DSCAM: variants seen among roughly 807,000 people sequenced by gnomAD.
The protein encoded by DSCAM is DS cell adhesion molecule, also known as cell adhesion molecule DSCAM.
DSCAM carries 47 observed loss-of-function variants against 217.7 expected under a neutral mutation model. The ratio of observed to expected loss-of-function variants is 0.22; its 90% CI spans 0.17 to 0.28. The LOEUF (loss-of-function observed/expected upper bound fraction) is 0.28. DSCAM is among the 10% of genes least tolerant of loss of function. The probability of loss-of-function intolerance (pLI) is 1.00; values close to 1 mark genes in which losing one functional copy is unlikely to be tolerated. For synonymous variants in DSCAM, 1,056 were observed against 1,015.3 expected (o/e 1.04, Z -0.76); for missense variants, 2,080 against 2,618.3 (o/e 0.79, Z 4.49).
At chr21:40,289,886 T>C (rs2073870089) in intron 10 of DSCAM, among the ~76,000 whole-genome samples, 1 of 151,806 alleles carries the variant, frequency 6.6e-6, no homozygotes, top group Admixed American at 6.6e-5. Context: ...ATGAAGACTG[T>C]GAATAAAACA....
chr21:40,016,484 C>T lies in DSCAM; in HGVS notation c.5687-3098G>A, dbSNP rs571022781. On this transcript the variant is annotated intron_variant, in intron 32 of 32. Transcript: ENST00000400454. This position sits in a 1 kb window ranked among gnomAD's most constrained non-coding sequence, Gnocchi z 4.3. Reference sequence around the variant, plus strand: ...CTAGTAGGTATTTTTATCATAGAAACGTAGCTCTAGGATGACTCACTGCTC... The same window carrying T: ...CTAGTAGGTATTTTTATCATAGAAATGTAGCTCTAGGATGACTCACTGCTC... Among the ~76,000 whole-genome samples the T allele has an allele frequency of 3.3e-5, 5 of 152,302 alleles. No homozygotes were observed. Among genetic ancestry groups the T allele is most frequent in the South Asian group, 2.1e-4 (1 of 4,820 alleles).
At chr21:40,272,842 A>C (rs2073637370) in intron 11 of DSCAM, among the ~76,000 whole-genome samples, 1 of 152,044 alleles carries the variant, frequency 6.6e-6, no homozygotes, top group African/African-American at 2.4e-5. Flanking sequence ...GTTTATTTAG[A>C]CCAGTAAACT....
At chr21:40,548,239 T>C (rs2076599660) in intron 3 of DSCAM, among the ~76,000 whole-genome samples, 1 of 152,228 alleles carries the variant, frequency 6.6e-6, no homozygotes, top group Admixed American at 6.5e-5. Flanking sequence ...TGTATTACTA[T>C]TTAAAGACCA....
At chr21:40,746,777 C>G (rs1422564536) in intron 1 of DSCAM, among the ~76,000 whole-genome samples, 1 of 151,828 alleles carries the variant, frequency 6.6e-6, no homozygotes, top group Non-Finnish European at 1.5e-5. Context: ...ACATTTTTCT[C>G]AACAAGACAT....
chr21:40,422,886 A>C (rs1039512085), intron 3 of DSCAM, among the ~76,000 whole-genome samples: 1 of 152,256 alleles, frequency 6.6e-6, no homozygotes, highest in Non-Finnish European at 1.5e-5. Flanking sequence ...ATGTTCGTCT[A>C]TCCACATAGA....
chr21:40,480,958 A>C (rs910432379), intron 3 of DSCAM, among the ~76,000 whole-genome samples: 2 of 152,220 alleles, frequency 1.3e-5, no homozygotes, highest in African/African-American at 4.8e-5. Flanking sequence ...TGGGAAAAAA[A>C]CAACTCTTTT....
Position 40,144,849 on chromosome 21 carries a change from G to T in DSCAM, c.3019-118C>A. ...AGTGGAGTCATCGCCACGATGCTGG[G>T]GCGGTGGTCCGGTAGCAGCCGCAAA... is the stretch of plus-strand genomic sequence containing the variant. On this transcript the variant is annotated intron_variant, in intron 16 of 32. Transcript: ENST00000400454. The surrounding 1 kb of genome is among the most constrained non-coding windows in gnomAD (Gnocchi z 4.8). 1 of 1,450,436 alleles carries T rather than the reference G, an allele frequency of 6.9e-7. No homozygotes were observed. Among genetic ancestry groups the T allele is most frequent in the Non-Finnish European group, 9.3e-7 (1 of 1,074,714 alleles). 89.8% of individuals were successfully genotyped at this position (1,450,436 alleles called of 1,614,324 possible). A position where few individuals can be genotyped will look rare whatever the true frequency, so the allele number is the denominator to read the frequency against.
chr21:40,638,086 G>C (rs2089831300), intron 3 of DSCAM, among the ~76,000 whole-genome samples: 1 of 152,138 alleles, frequency 6.6e-6, no homozygotes, highest in Non-Finnish European at 1.5e-5. Context: ...ATAGAACTTA[G>C]TCTTTCTTAG....
intron 28 of DSCAM, among the ~76,000 whole-genome samples, chr21:40,061,306 T>C (rs1246309008): frequency 1.3e-5 from 2 of 152,174 alleles, no homozygotes; most frequent in East Asian, 1.9e-4. Flanking sequence ...TGGTGGCTCA[T>C]GCCTGTAATC....
intron 3 of DSCAM, among the ~76,000 whole-genome samples, chr21:40,454,081 T>C (rs1442037354): frequency 6.6e-6 from 1 of 152,166 alleles, no homozygotes; most frequent in Non-Finnish European, 1.5e-5. Context: ...AACAGAAAGA[T>C]ATATATAAGC....
chr21:40,096,523 A>C (rs79813446), intron 20 of DSCAM, among the ~76,000 whole-genome samples: 1 of 152,200 alleles, frequency 6.6e-6, no homozygotes, highest in Non-Finnish European at 1.5e-5. Context: ...TTAACAGGGC[A>C]TTAGTGAGCT....
chr21:40,223,559 A>G (rs2146908210), intron 11 of DSCAM, among the ~76,000 whole-genome samples: 2 of 152,216 alleles, frequency 1.3e-5, no homozygotes, highest in South Asian at 4.1e-4. Context: ...TTTTTTCTAC[A>G]GTCATATCAT....
intron 3 of DSCAM, among the ~76,000 whole-genome samples, chr21:40,625,920 T>C (rs1369911502): frequency 2.0e-5 from 3 of 152,222 alleles, no homozygotes; most frequent in South Asian, 4.1e-4. Context: ...CACCTATGTC[T>C]AGCAGGCTCT....
chr21:40,116,185 G>C (rs2089968406), intron 20 of DSCAM, among the ~76,000 whole-genome samples: 1 of 152,102 alleles, frequency 6.6e-6, no homozygotes, highest in Non-Finnish European at 1.5e-5. Context: ...TGAGAGGAGG[G>C]GGAGGATCAG....
intron 3 of DSCAM, among the ~76,000 whole-genome samples, chr21:40,436,807 C>A (rs546696763): frequency 4.6e-4 from 70 of 151,584 alleles, no homozygotes; most frequent in African/African-American, 1.6e-3. Flanking sequence ...TGATAGAGTT[C>A]CTGCATGCAT....
intron 3 of DSCAM, chr21:40,618,428 C>CTG (rs1168995375): frequency 1.3e-5 from 2 of 152,180 alleles, no homozygotes; most frequent in African/African-American, 4.8e-5. Context: ...CATGGCAGCG[C>CTG]TGTCCTCACA....
intron 3 of DSCAM, among the ~76,000 whole-genome samples, chr21:40,474,326 A>G (rs1569138393): frequency 1.3e-5 from 2 of 150,302 alleles, no homozygotes; most frequent in Non-Finnish European, 1.5e-5. Flanking sequence ...AAAAAAAAAC[A>G]CAACCAAAAA....
intron 16 of DSCAM, among the ~76,000 whole-genome samples, chr21:40,160,364 G>C (rs1035347184): frequency 6.6e-6 from 1 of 152,114 alleles, no homozygotes; most frequent in Admixed American, 6.5e-5. Flanking sequence ...TAATTTACTT[G>C]TTGGAAATGG....
chr21:40,506,052 T>G (rs1285014076), intron 3 of DSCAM, among the ~76,000 whole-genome samples: 1 of 152,224 alleles, frequency 6.6e-6, no homozygotes, highest in East Asian at 1.9e-4. Flanking sequence ...ACTCTTAAAC[T>G]GACTTGTGCT....
Sources: allele counts gnomAD v4.1 joint callset (sites outside exome capture counted in the v4.1 genomes callset), GRCh38; gene constraint gnomAD v4.1.1; non-coding constraint Gnocchi (gnomAD v3.1); transcripts MANE v1.5; gene names NCBI Gene and HGNC (gene_info 2026-07-23, HGNC 2026-07-21).